Variants in ZNF106 observed in about 807,000 individuals in gnomAD.
ZNF106 encodes SH3-domain binding protein 3.
In ZNF106, 67 loss-of-function variants were observed where a neutral mutation model predicts 195.1. The ratio of observed to expected loss-of-function variants is 0.34; its 90% CI spans 0.28 to 0.42. The LOEUF (loss-of-function observed/expected upper bound fraction) is 0.42. Ranked by LOEUF, ZNF106 falls within the 10% of genes least tolerant of loss-of-function variation. The pLI is 1.00. For synonymous variants in ZNF106, 784 were observed against 818.6 expected (o/e 0.96, Z 0.72); for missense variants, 2,118 against 2,304.5 (o/e 0.92, Z 1.66).
At chr15:42,465,187 C>T (rs1208380783) in intron 3 of ZNF106, among the ~76,000 whole-genome samples, 2 of 152,196 alleles carry the variant, frequency 1.3e-5, no homozygotes, top group East Asian at 3.8e-4. Context: ...AGGCATCAGC[C>T]ACTGCACCTG....
rs1315602655 is a variant in ZNF106 at position 42,450,055 on chromosome 15, C to A, written c.2217G>T (p.Leu739=). 1.2e-6 allele frequency: 2 copies of A among 1,614,220 alleles called. No individual in the cohort carries two copies. Among genetic ancestry groups the A allele is most frequent in the Non-Finnish European group, 8.5e-7 (1 of 1,180,040 alleles). Reference sequence around the variant, plus strand: ...GAAAGCCAAGCTTACTTAGTTCAGGCAGGAGAGGGCCCGAGGGCTGACTGA... The same window carrying A: ...GAAAGCCAAGCTTACTTAGTTCAGGAAGGAGAGGGCCCGAGGGCTGACTGA... ...SDISQPSGPL[L]PELSKLGFPA... Residue 739 remains leucine, a synonymous_variant, in exon 5 of 22, where the codon CTG becomes CTT. Coordinates refer to ENST00000564754, the MANE Select transcript of ZNF106 (RefSeq NM_001366845.3).
At chr15:42,428,865 A>G (rs993544082) in intron 14 of ZNF106, among the ~76,000 whole-genome samples, 1 of 150,548 alleles carries the variant, frequency 6.6e-6, no homozygotes, top group African/African-American at 2.5e-5. Context: ...CCCGGTTCAC[A>G]CCATTCTCCT....
rs1567012192 is a variant in ZNF106 at position 42,444,813 on chromosome 15, C to T, written c.3360+14G>A. ...AGATGATCCATTTTTATTAAATCCT[C>T]CACATGCTGTTACCTGCTGCTTGAG... On this transcript the variant is annotated intron_variant, in intron 8 of 21. Coordinates refer to ENST00000564754, the MANE Select transcript of ZNF106 (RefSeq NM_001366845.3). 6 of 1,612,772 alleles carry T rather than the reference C, an allele frequency of 3.7e-6. No individual in the cohort carries two copies. The highest frequency in any genetic ancestry group is 5.1e-6 in the Non-Finnish European group (6 of 1,179,582).
Position 42,457,219 on chromosome 15 carries a change from G to C in ZNF106, c.117-61C>G, listed in dbSNP as rs368606168. On this transcript the variant is annotated intron_variant, in intron 3 of 21. Coordinates refer to ENST00000564754, the MANE Select transcript of ZNF106 (RefSeq NM_001366845.3). ...CCCCACTGGCATGGCACACTCACCA[G>C]ATCTGTTATTGTTTCCTCTGAAGGA... 2.0e-5 allele frequency: 32 copies of C among 1,612,240 alleles called. No homozygotes were observed. In the Middle Eastern group the frequency reaches 4.9e-4, roughly 25 times the overall value.
At chr15:42,455,325 T>C (rs888713236) in intron 4 of ZNF106, among the ~76,000 whole-genome samples, 1 of 152,194 alleles carries the variant, frequency 6.6e-6, no homozygotes, top group Non-Finnish European at 1.5e-5. Flanking sequence ...TTCATTTATG[T>C]TTCATATACA....
chr15:42,435,952 T>G (rs1462197150), intron 13 of ZNF106, among the ~76,000 whole-genome samples: 3 of 142,430 alleles, frequency 2.1e-5, no homozygotes, highest in African/African-American at 3.0e-5. Flanking sequence ...GGTTCTGGTG[T>G]TGTTTCTTTT....
intron 2 of ZNF106, among the ~76,000 whole-genome samples, chr15:42,470,508 C>CT (rs1295209562): frequency 1.3e-5 from 2 of 151,978 alleles, no homozygotes; most frequent in African/African-American, 2.4e-5. Context: ...CCAGCTTTTC[C>CT]TTTTTTTAAA....
chr15:42,487,082 A>G (rs983147423), intron 1 of ZNF106, among the ~76,000 whole-genome samples: 2 of 152,070 alleles, frequency 1.3e-5, no homozygotes, highest in Non-Finnish European at 1.5e-5. Context: ...CCTGGGAGGC[A>G]GAGGTTGCAG....
intron 12 of ZNF106, 145 bp downstream of exon 12, chr15:42,438,467 G>C (rs1281177520): frequency 1.5e-6 from 1 of 685,344 alleles, no homozygotes; most frequent in Non-Finnish European, 2.5e-6. Flanking sequence ...TATCAGAACT[G>C]TTGATCAAGG....
Position 42,457,116 on chromosome 15 carries a change from C to T in ZNF106, c.159G>A (p.Val53=), listed in dbSNP as rs1183190598. Residue 53 remains valine, a synonymous_variant, in exon 4 of 22, where the codon GTG becomes GTA. Coordinates refer to ENST00000564754, the MANE Select transcript of ZNF106 (RefSeq NM_001366845.3). The part of the protein sequence containing the change: ...HECRVCGVTE[V]GLSAYAKHIS... ...TGTGCTTTGCATATGCAGAAAGACC[C>T]ACTTCTGTGACCCCGCACACTCGGC... 3 of 1,613,980 alleles carry T rather than the reference C, an allele frequency of 1.9e-6. No homozygotes were observed. Among genetic ancestry groups the T allele is most frequent in the Non-Finnish European group, 2.5e-6 (3 of 1,180,038 alleles).
In ZNF106 at chr15:42,463,908, C is replaced by T. The variant is rs544988479; in HGVS notation, c.116+2145G>A. Among the ~76,000 whole-genome samples the T allele has an allele frequency of 3.3e-5, 5 of 152,310 alleles. No individual in the cohort carries two copies. In the South Asian group the frequency reaches 6.2e-4, roughly 19 times the overall value. ...GACCTAACCTTCACATAATAAGAGA[C>T]TGGGGGCAGGGAAAAATTCCACTAA... On this transcript the variant is annotated intron_variant, in intron 3 of 21. Transcript: ENST00000564754.
chr15:42,424,254 C>CA, intron 16 of ZNF106, 194 bp from the exon 17 acceptor site: 1 of 552,352 alleles, frequency 1.8e-6, no homozygotes, highest in Non-Finnish European at 3.2e-6. Flanking sequence ...AATGAACTGA[C>CA]AATGTATTAT....
intron 13 of ZNF106, among the ~76,000 whole-genome samples, chr15:42,436,852 G>A (rs951548228): frequency 1.5e-4 from 23 of 152,180 alleles, no homozygotes; most frequent in Admixed American, 1.3e-4. Context: ...ATTGGGACCT[G>A]AACAGTCCAA....
At chr15:42,440,998 A>AAAATAT (rs1567009198) in intron 10 of ZNF106, among the ~76,000 whole-genome samples, 7 of 23,558 alleles carry the variant, frequency 3.0e-4, no homozygotes, top group Non-Finnish European at 3.9e-4. Flanking sequence ...AAAAAAAAAA[A>AAAATAT]ATATATATAT....
At chr15:42,468,510 T>C (rs11070373) in intron 2 of ZNF106, among the ~76,000 whole-genome samples, 8,748 of 148,434 alleles carry the variant, frequency 0.059, 871 homozygotes, top group African/African-American at 0.21. Flanking sequence ...TTTGGGAGGC[T>C]GAGGTGGGCG....
At chr15:42,437,504 TC>T in intron 12 of ZNF106, 127 bp from the exon 13 acceptor site, 1 of 1,107,510 alleles carries the variant, frequency 9.0e-7, no homozygotes, top group East Asian at 2.5e-5. Flanking sequence ...AAATCTTAGT[TC>T]CCCTATCAGA....
In ZNF106 at chr15:42,439,334, T is replaced by C. The variant is rs1410642572; in HGVS notation, c.4243A>G (p.Lys1415Glu). Residue 1415 changes from lysine to glutamate, a missense_variant, in exon 11 of 22, where the codon AAA becomes GAA. Physicochemically the swap from Lys to Glu is moderately conservative, Grantham distance 56 (BLOSUM62 1). Transcript: ENST00000564754. ...GTGGAGGTTGTTACTTTCCCCCCTT[T>C]AATTAACTTTCCAGCTTTTACTTTC... ...VRKVKAGKLI[K>E]GGKVTTSTWE... 1 of 1,613,982 alleles carries C rather than the reference T, an allele frequency of 6.2e-7. No homozygotes were observed. Among genetic ancestry groups the C allele is most frequent in the Non-Finnish European group, 8.5e-7 (1 of 1,180,028 alleles).
chr15:42,485,825 A>G (rs1348705754), intron 1 of ZNF106, among the ~76,000 whole-genome samples: 5 of 152,226 alleles, frequency 3.3e-5, no homozygotes, highest in African/African-American at 1.2e-4. Flanking sequence ...TTTTAACCAC[A>G]TGGTAGTAGC....
intron 1 of ZNF106, among the ~76,000 whole-genome samples, chr15:42,480,515 T>C (rs2056877064): frequency 1.3e-5 from 2 of 152,364 alleles, no homozygotes; most frequent in East Asian, 3.9e-4. Context: ...TTATTATTTA[T>C]AGCTCCTCTA....
Sources: gnomAD v4.1 joint callset for allele counts (sites outside exome capture counted in the v4.1 genomes callset) on GRCh38, gnomAD v4.1.1 for gene constraint, MANE v1.5 for transcripts, NCBI Gene and HGNC (gene_info 2026-07-23, HGNC 2026-07-21) for gene names.